The following ERICH3 variants were observed in gnomAD, a reference collection of about 807,000 sequenced individuals.
The protein encoded by ERICH3 is glutamate rich 3.
Under a neutral mutation model 131.1 loss-of-function variants are expected in ERICH3, and 126 were observed. That is an observed-to-expected ratio of 0.96 (90% CI 0.83 to 1.11). ERICH3 has a LOEUF of 1.11. Among genes scored for constraint, ERICH3 ranks in the 50% most tolerant of loss-of-function variants. The probability of loss-of-function intolerance (pLI) is 0.00; values close to 1 mark genes in which losing one functional copy is unlikely to be tolerated. For missense variants in ERICH3, 2,050 were observed against 1,810.7 expected (o/e 1.13, Z -2.40); for synonymous variants, 695 against 644.6 (o/e 1.08, Z -1.18).
chr1:74,584,620 T>C (rs1647250445), intron 12 of ERICH3, among the ~76,000 whole-genome samples: 1 of 152,124 alleles, frequency 6.6e-6, no homozygotes, highest in Admixed American at 6.6e-5. Context: ...ATACTACCCC[T>C]TCCTCAAACC....
chr1:74,572,404 T>G lies in ERICH3; in HGVS notation c.3306A>C (p.Glu1102Asp). 6.2e-7 allele frequency: 1 copy of G among 1,613,876 alleles called. No homozygotes were observed. The highest frequency in any genetic ancestry group is 1.7e-5 in the Admixed American group (1 of 60,020). ...FKEEQKLKAE[E>D]GETETEVRAE... ...CTCTTACTTCTGTCTCTGTTTCCCCTTCTTCCGCTTTAAGTTTTTGCTCTT... is the reference window on the plus strand; with the variant it reads ...CTCTTACTTCTGTCTCTGTTTCCCCGTCTTCCGCTTTAAGTTTTTGCTCTT... Residue 1102 changes from glutamate to aspartate, a missense_variant, in exon 14 of 15, where the codon GAA (glutamate) becomes GAC (aspartate). Transcript: ENST00000326665.
At chr1:74,673,394 G>A (rs1646759558) in intron 1 of ERICH3, 103 bp downstream of exon 1, 1 of 1,415,438 alleles carries the variant, frequency 7.1e-7, no homozygotes, top group Non-Finnish European at 9.8e-7. Flanking sequence ...CCTCCCCCTC[G>A]CTCCCCTCTC....
chr1:74,572,783 C>A lies in ERICH3; in HGVS notation c.2927G>T (p.Gly976Val), dbSNP rs1428015764. 1 of 1,613,802 alleles carries A rather than the reference C, an allele frequency of 6.2e-7. No homozygotes were observed. Among genetic ancestry groups the A allele is most frequent in the African/African-American group, 1.3e-5 (1 of 74,890 alleles). Reference protein sequence around the residue: ...REDGSEEAILGGEEPAKERKE... With the variant: ...REDGSEEAILVGEEPAKERKE... The stretch of plus-strand genomic sequence containing the variant: ...TCTCTCTTTGGCTGGTTCCTCTCCC[C>A]CAAGAATTGCCTCTTCAGAACCGTC... Residue 976 changes from glycine to valine, a missense_variant, in exon 14 of 15, where the codon GGG becomes GTG. Transcript: ENST00000326665.
intron 12 of ERICH3, among the ~76,000 whole-genome samples, chr1:74,580,608 T>C (rs61778099): frequency 0.02 from 3,036 of 152,322 alleles, 57 homozygotes; most frequent in Admixed American, 0.032. Flanking sequence ...TATTTGATAA[T>C]TTAGTAATTG....
chr1:74,589,934 C>G lies in ERICH3; in HGVS notation c.1873G>C (p.Glu625Gln), dbSNP rs767313007. 4 of 1,614,058 alleles carry G rather than the reference C, an allele frequency of 2.5e-6. No homozygotes were observed. The African/African-American group carries it at 4.0e-5, about 16-fold the overall frequency. ...TGAGACTTTCTTGGCTTATCATTTT[C>G]ACTCAGTTCCTGAGAAGATGACCTT... is the stretch of plus-strand genomic sequence containing the variant. ...ARRSSSQELS[E>Q]NDKPRKSHLP... Residue 625 changes from glutamate (E) to glutamine (Q), a missense_variant, in exon 12 of 15, where the codon GAA becomes CAA. By Grantham distance (29) the Glu-to-Gln change is conservative. Transcript: ENST00000326665.
At chr1:74,577,008 C>A in intron 12 of ERICH3, 72 bp from the exon 13 acceptor site, 1 of 1,428,504 alleles carries the variant, frequency 7.0e-7, no homozygotes, top group Non-Finnish European at 9.4e-7. Flanking sequence ...TTCTCCATCT[C>A]TCCAGTTGGG....
chr1:74,632,076 A>C (rs1646343406), intron 6 of ERICH3, 148 bp from the exon 7 acceptor site: 2 of 679,996 alleles, frequency 2.9e-6, no homozygotes, highest in Admixed American at 3.1e-5. Context: ...CAGTCTGCTG[A>C]AAAATGACAC....
At chr1:74,609,759 C>T (rs1035804065) in intron 9 of ERICH3, among the ~76,000 whole-genome samples, 2 of 152,086 alleles carry the variant, frequency 1.3e-5, no homozygotes, top group Non-Finnish European at 2.9e-5. Flanking sequence ...GAAAACCATT[C>T]TTCTATAAGA....
intron 1 of ERICH3, among the ~76,000 whole-genome samples, chr1:74,664,568 A>G (rs1268681060): frequency 6.6e-6 from 1 of 152,178 alleles, no homozygotes; most frequent in African/African-American, 2.4e-5. Flanking sequence ...CTATGATTCA[A>G]TTCAATTTAA....
chr1:74,652,546 CTT>C (rs35132035), intron 1 of ERICH3, among the ~76,000 whole-genome samples: 27 of 147,720 alleles, frequency 1.8e-4, no homozygotes, highest in African/African-American at 6.4e-4. Context: ...CTTTTCTTTT[CTT>C]TTTTTTTTTT....
At chr1:74,614,339 A>G (rs79518907) in intron 8 of ERICH3, among the ~76,000 whole-genome samples, 3,528 of 150,280 alleles carry the variant, frequency 0.023, 166 homozygotes, top group African/African-American at 0.083. Flanking sequence ...AGTTATTTAG[A>G]AACACTGTGT....
At chr1:74,594,252 G>T (rs564950001) in intron 11 of ERICH3, among the ~76,000 whole-genome samples, 22 of 150,976 alleles carry the variant, frequency 1.5e-4, no homozygotes, top group African/African-American at 4.9e-4. Flanking sequence ...GAACACTGTG[G>T]GGACACTCAC....
chr1:74,660,332 A>C (rs930584882), intron 1 of ERICH3, among the ~76,000 whole-genome samples: 1 of 152,040 alleles, frequency 6.6e-6, no homozygotes, highest in African/African-American at 2.4e-5. Context: ...AATACAATTT[A>C]ACATAAAATT....
chr1:74,600,289 A>G (rs1648067756), intron 10 of ERICH3, among the ~76,000 whole-genome samples: 1 of 151,924 alleles, frequency 6.6e-6, no homozygotes, highest in Non-Finnish European at 1.5e-5. Context: ...GGATTATAAT[A>G]ATGAAAGTTA....
chr1:74,583,890 T>C (rs1647224678), intron 12 of ERICH3, among the ~76,000 whole-genome samples: 1 of 152,174 alleles, frequency 6.6e-6, no homozygotes, highest in South Asian at 2.1e-4. Flanking sequence ...ACAAACCAAA[T>C]TGATCCCATC....
chr1:74,651,505 C>G (rs1433333738), intron 1 of ERICH3, among the ~76,000 whole-genome samples: 1 of 152,062 alleles, frequency 6.6e-6, no homozygotes, highest in Non-Finnish European at 1.5e-5. Flanking sequence ...TCAAAGGTTT[C>G]CTGTCTCCAA....
At chr1:74,645,650 TTTTA>T (rs1163715830) in intron 3 of ERICH3, among the ~76,000 whole-genome samples, 4 of 152,168 alleles carry the variant, frequency 2.6e-5, no homozygotes, top group East Asian at 3.9e-4. Flanking sequence ...GTTTTATTAA[TTTTA>T]TTTATTTTTT....
rs761698202 is a variant in ERICH3, at chr1:74,606,679, C to G, written c.1411G>C (p.Ala471Pro). The G allele has an allele frequency of 8.7e-6, 14 of 1,613,058 alleles. No homozygotes were observed. In the Admixed American group the frequency reaches 2.2e-4, roughly 25 times the overall value. Residue 471 changes from alanine to proline, a missense_variant, in exon 10 of 15, where the codon GCT becomes CCT. Transcript: ENST00000326665. Reference sequence around the variant, plus strand: ...CCTTTACTTGTCATTTCCTCCACAGCAGTTACCACTTCTTTGAGCCCTGTT... The same window carrying G: ...CCTTTACTTGTCATTTCCTCCACAGGAGTTACCACTTCTTTGAGCCCTGTT... ...IKTGLKEVVT[A>P]VEEMTSKGKP... is the part of the protein sequence containing the mutation.
Position 74,571,433 on chromosome 1 carries a change from G to T in ERICH3, c.4277C>A (p.Thr1426Lys). 1 of 1,613,910 alleles carries T rather than the reference G, an allele frequency of 6.2e-7. No homozygotes were observed. The highest frequency in any genetic ancestry group is 8.5e-7 in the Non-Finnish European group (1 of 1,179,960). The change falls in exon 14 of 15, where the codon ACA becomes AAA. Residue 1426 changes from threonine to lysine, a missense_variant. Transcript: ENST00000326665. ...PAAEEMTVTYTTEAGVGTPGA... is the reference protein window; with the variant it reads ...PAAEEMTVTYKTEAGVGTPGA... ...TGGAGTGCCCACCCCAGCCTCTGTT[G>T]TATATGTCACTGTCATCTCCTCTGC...
Sources: gnomAD v4.1 joint callset for allele counts (sites outside exome capture counted in the v4.1 genomes callset) on GRCh38, gnomAD v4.1.1 for gene constraint, MANE v1.5 for transcripts, NCBI Gene and HGNC (gene_info 2026-07-23, HGNC 2026-07-21) for gene names.